NTRK2: variants seen among roughly 807,000 people sequenced by gnomAD.
NTRK2 encodes the protein BDNF/NT-3 growth factors receptor.
Under a neutral mutation model 94.5 loss-of-function variants are expected in NTRK2, and 13 were observed. The ratio of observed to expected loss-of-function variants is 0.14; its 90% CI spans 0.09 to 0.22. The LOEUF (loss-of-function observed/expected upper bound fraction) is 0.22, where lower values mean the gene tolerates loss of function less well. NTRK2 is among the 10% of genes least tolerant of loss of function. The probability of loss-of-function intolerance (pLI) is 1.00; values close to 1 mark genes in which losing one functional copy is unlikely to be tolerated. For missense variants in NTRK2, 639 were observed against 1,071.2 expected (o/e 0.60, Z 5.63); for synonymous variants, 372 against 407.4 (o/e 0.91, Z 1.05).
At position 85,025,459 on chromosome 9, in the gene NTRK2, A is replaced by G. The variant is rs954160722; in HGVS notation, c.*4022A>G. On this transcript the variant is annotated 3_prime_UTR_variant, in exon 19 of 19. Coordinates refer to ENST00000277120, the MANE Select transcript of NTRK2 (RefSeq NM_006180.6). The stretch of plus-strand genomic sequence containing the variant: ...CCAAGACCCCACAGCGAGATGAGCA[A>G]CTCTTAGGAATTCCCACATCCTAGA... 1 of 233,048 alleles carries G rather than the reference A, an allele frequency of 4.3e-6. No homozygotes were observed. Among genetic ancestry groups the G allele is most frequent in the African/African-American group, 2.2e-5 (1 of 45,324 alleles). 14.4% of individuals were successfully genotyped at this position (233,048 alleles called of 1,614,324 possible).
chr9:84,843,390 C>G (rs2074292915), intron 12 of NTRK2, among the ~76,000 whole-genome samples: 1 of 152,220 alleles, frequency 6.6e-6, no homozygotes, highest in Non-Finnish European at 1.5e-5. Flanking sequence ...GCAGGCCTTT[C>G]TCACCTTTCA....
chr9:84,811,923 C>G (rs1172026776), intron 12 of NTRK2: 1 of 1,057,380 alleles, frequency 9.5e-7, no homozygotes, highest in African/African-American at 1.7e-5. Flanking sequence ...CACCCCACCC[C>G]ACCCTGTTCC....
intron 17 of NTRK2, among the ~76,000 whole-genome samples, chr9:84,967,714 G>C (rs1390011898): frequency 6.6e-6 from 1 of 152,240 alleles, no homozygotes; most frequent in African/African-American, 2.4e-5. Flanking sequence ...TGATGACAGA[G>C]ATACTGCAGC....
chr9:84,927,547 C>G (rs2077866236), intron 14 of NTRK2, among the ~76,000 whole-genome samples: 1 of 151,936 alleles, frequency 6.6e-6, no homozygotes, highest in Non-Finnish European at 1.5e-5. Flanking sequence ...TAGAAATAGA[C>G]CTCTGATTTC....
At chr9:85,018,437 G>A (rs565757477) in intron 17 of NTRK2, among the ~76,000 whole-genome samples, 1 of 152,294 alleles carries the variant, frequency 6.6e-6, no homozygotes, top group East Asian at 1.9e-4. Context: ...CAAGGTGGCA[G>A]CAGCATCCCT....
intron 12 of NTRK2, among the ~76,000 whole-genome samples, chr9:84,824,911 A>G (rs2073085479): frequency 6.6e-6 from 1 of 152,102 alleles, no homozygotes; most frequent in Admixed American, 6.6e-5. Flanking sequence ...ATCAGATCTG[A>G]GGAGAGAAGA....
At chr9:84,867,612 G>A (rs575698217) in intron 14 of NTRK2, among the ~76,000 whole-genome samples, 181 bp downstream of exon 14, 1 of 152,244 alleles carries the variant, frequency 6.6e-6, no homozygotes, top group South Asian at 2.1e-4. Context: ...GGAATTCTCC[G>A]GGTGTGTCTC....
intron 17 of NTRK2, among the ~76,000 whole-genome samples, chr9:84,988,333 T>G (rs1328922747): frequency 6.6e-6 from 1 of 152,198 alleles, no homozygotes; most frequent in East Asian, 1.9e-4. Context: ...AATGTTTTTC[T>G]AGGGAATTAA....
rs115569619 is a variant in NTRK2, at chr9:84,892,110, A to T, written c.1633+24679A>T. ...ACAGCAGCTGGAAAACAAATCATAT[A>T]TCTAAATGTATCTGCCCTTGTTTCA... On this transcript the variant is annotated intron_variant, in intron 14 of 18. Coordinates refer to ENST00000277120, the MANE Select transcript of NTRK2 (RefSeq NM_006180.6). Among the ~76,000 whole-genome samples the T allele has an allele frequency of 1.5e-3, 221 of 152,286 alleles. 1 individual carries two copies. The highest frequency in any genetic ancestry group is 5.1e-3 in the African/African-American group (212 of 41,542).
chr9:84,755,407 G>A (rs1452455584), intron 12 of NTRK2, among the ~76,000 whole-genome samples: 1 of 151,962 alleles, frequency 6.6e-6, no homozygotes, highest in Non-Finnish European at 1.5e-5. Flanking sequence ...TTTCAACTCC[G>A]TCCACCTAAG....
At chr9:84,938,545 A>C (rs1277486764) in intron 15 of NTRK2, among the ~76,000 whole-genome samples, 3 of 152,000 alleles carry the variant, frequency 2.0e-5, no homozygotes, top group Non-Finnish European at 4.4e-5. Flanking sequence ...TTTTAAAATT[A>C]TATATATATA....
intron 17 of NTRK2, among the ~76,000 whole-genome samples, chr9:84,999,053 C>T (rs78822185): frequency 0.016 from 2,425 of 152,288 alleles, 64 homozygotes; most frequent in African/African-American, 0.056. Flanking sequence ...TTTAGTGCCT[C>T]CTGGAGCCCC....
rs1301284002 is a variant in NTRK2 at position 84,727,628 on chromosome 9, T to A, written c.854-26T>A. 3 of 1,608,384 alleles carry A rather than the reference T, an allele frequency of 1.9e-6. No individual in the cohort carries two copies. The East Asian group carries it at 6.7e-5, about 36-fold the overall frequency. ...GGGAGAATTCTGAGCTTTCTGATGCTATTAACTCTCTCTTTTTCAATTTAG... is the reference window on the plus strand; with the variant it reads ...GGGAGAATTCTGAGCTTTCTGATGCAATTAACTCTCTCTTTTTCAATTTAG... On this transcript the variant is annotated intron_variant, in intron 8 of 18. Transcript: ENST00000277120.
At chr9:84,752,332 G>A (rs1167573808) in intron 12 of NTRK2, among the ~76,000 whole-genome samples, 3 of 152,130 alleles carry the variant, frequency 2.0e-5, no homozygotes, top group Admixed American at 6.5e-5. Context: ...GAGTATCAAG[G>A]GACTAATAAA....
At chr9:84,961,093 G>A (rs1899637) in intron 17 of NTRK2, among the ~76,000 whole-genome samples, 12,118 of 152,178 alleles carry the variant, frequency 0.08, 471 homozygotes, top group East Asian at 0.096. Flanking sequence ...AGAGCCCAGG[G>A]CTAAAACTTA....
intron 2 of NTRK2, 102 bp from the exon 3 acceptor site, chr9:84,702,056 TG>T: frequency 2.1e-6 from 2 of 975,152 alleles, no homozygotes; most frequent in Non-Finnish European, 3.2e-6. Flanking sequence ...CAGAGTGGTG[TG>T]GAGGGAGCAC....
intron 14 of NTRK2, among the ~76,000 whole-genome samples, chr9:84,899,492 C>T (rs736744): frequency 0.45 from 68,951 of 152,036 alleles, 18,241 homozygotes; most frequent in South Asian, 0.63. Flanking sequence ...AGGAGGGCAC[C>T]TGCCCTCCCA....
At chr9:84,815,736 T>C in intron 12 of NTRK2, 1 of 1,005,884 alleles carries the variant, frequency 9.9e-7, no homozygotes, top group Non-Finnish European at 1.2e-6. Context: ...GTAGATCTTG[T>C]GTACTTCCTC....
chr9:84,875,402 A>G (rs2076025322), intron 14 of NTRK2: 1 of 1,061,878 alleles, frequency 9.4e-7, no homozygotes, highest in Admixed American at 5.4e-5. Flanking sequence ...CGCTGGAAAG[A>G]CTCAGGAAAT....
Sources: allele counts gnomAD v4.1 joint callset (sites outside exome capture counted in the v4.1 genomes callset), GRCh38; gene constraint gnomAD v4.1.1; transcripts MANE v1.5; gene names NCBI Gene and HGNC (gene_info 2026-07-23, HGNC 2026-07-21).